PCP4L1: variants seen among roughly 807,000 people sequenced by gnomAD.
The protein encoded by PCP4L1 is Purkinje cell protein 4-like protein 1.
Under a neutral mutation model 9.6 loss-of-function variants are expected in PCP4L1, and 9 were observed. The ratio of observed to expected loss-of-function variants is 0.94; its 90% CI spans 0.57 to 1.64. The LOEUF (loss-of-function observed/expected upper bound fraction) is 1.64. PCP4L1 is among the 40% of genes most tolerant of loss of function. PCP4L1 has a pLI of 0.00. For missense variants in PCP4L1, 81 were observed against 80.8 expected, an observed-to-expected ratio of 1.00 and a Z score of -0.01; for synonymous variants, 31 against 28.2, an observed-to-expected ratio of 1.10 and a Z score of -0.31.
intron 1 of PCP4L1, among the ~76,000 whole-genome samples, chr1:161,268,275 G>A (rs559370337): frequency 2.0e-5 from 3 of 151,938 alleles, no homozygotes; most frequent in African/African-American, 7.2e-5. Flanking sequence ...AAAAAAAAAA[G>A]TATTTATGAA....
Position 161,282,088 on chromosome 1 carries a change from C to T in PCP4L1, c.10-1580C>T, listed in dbSNP as rs113624087. On this transcript the variant is annotated intron_variant, in intron 1 of 2. Coordinates refer to ENST00000504449, the MANE Select transcript of PCP4L1 (RefSeq NM_001102566.2). ...GGAGATCATGCCACTGCACTCCAGC[C>T]GGGGCACCATTGAGCACTGAGTGAA... Among the ~76,000 whole-genome samples, 439 of 152,240 alleles carry T rather than the reference C, an allele frequency of 2.9e-3. 1 individual carries two copies. Among genetic ancestry groups the T allele is most frequent in the African/African-American group, 0.01 (416 of 41,530 alleles).
At chr1:161,280,041 G>C (rs1669767755) in intron 1 of PCP4L1, among the ~76,000 whole-genome samples, 1 of 152,166 alleles carries the variant, frequency 6.6e-6, no homozygotes, top group African/African-American at 2.4e-5. Flanking sequence ...TCAAATTCAT[G>C]ACCTCCTGCC....
chr1:161,259,427 G>A lies in PCP4L1; in HGVS notation c.9+444G>A, dbSNP rs375348034. Among the ~76,000 whole-genome samples the A allele has an allele frequency of 3.9e-4, 59 of 152,268 alleles. No homozygotes were observed. The East Asian group carries it at 7.9e-3, about 20-fold the overall frequency. On this transcript the variant is annotated intron_variant, in intron 1 of 2. Coordinates refer to ENST00000504449, the MANE Select transcript of PCP4L1 (RefSeq NM_001102566.2). ...CAAGAACTCCATCCCTGGCCCCCGG[G>A]GAGGGCCACTGTGCCCCTTTTAGAA...
chr1:161,284,563 G>C lies in PCP4L1; in HGVS notation c.*82G>C. 1 of 1,536,806 alleles carries C rather than the reference G, an allele frequency of 6.5e-7. No homozygotes were observed. Among genetic ancestry groups the C allele is most frequent in the Admixed American group, 2.0e-5 (1 of 49,774 alleles). On this transcript the variant is annotated 3_prime_UTR_variant, in exon 3 of 3. Transcript: ENST00000504449. ...CCACACCCATGTATCTTTATCCCTT[G>C]TCCCTCTAGCCTTTCCTTGAGGCAA... is the stretch of plus-strand genomic sequence containing the variant.
At chr1:161,277,152 T>C (rs1669714130) in intron 1 of PCP4L1, among the ~76,000 whole-genome samples, 1 of 152,086 alleles carries the variant, frequency 6.6e-6, no homozygotes, top group Non-Finnish European at 1.5e-5. Context: ...GATCAATATA[T>C]AAAAATCAGT....
chr1:161,272,791 G>A (rs981002796), intron 1 of PCP4L1, among the ~76,000 whole-genome samples: 1 of 152,014 alleles, frequency 6.6e-6, no homozygotes, highest in Non-Finnish European at 1.5e-5. Flanking sequence ...AAAGGGAACT[G>A]ATTGTCAAGA....
chr1:161,276,457 A>G (rs1023338137), intron 1 of PCP4L1, among the ~76,000 whole-genome samples: 21 of 152,036 alleles, frequency 1.4e-4, no homozygotes, highest in African/African-American at 4.8e-4. Context: ...CTGAGATAGG[A>G]GGATTGCTTG....
At chr1:161,273,896 A>G (rs999304486) in intron 1 of PCP4L1, among the ~76,000 whole-genome samples, 1 of 152,240 alleles carries the variant, frequency 6.6e-6, no homozygotes, top group Non-Finnish European at 1.5e-5. Flanking sequence ...ATACATACTC[A>G]TACATCCCCA....
chr1:161,278,869 G>A (rs1006918396), intron 1 of PCP4L1, among the ~76,000 whole-genome samples: 5 of 151,532 alleles, frequency 3.3e-5, no homozygotes, highest in African/African-American at 7.3e-5. Flanking sequence ...TGCAACCTCC[G>A]CCTTCCAGGC....
intron 1 of PCP4L1, among the ~76,000 whole-genome samples, chr1:161,263,731 G>A (rs1394447458): frequency 2.7e-5 from 4 of 150,650 alleles, no homozygotes; most frequent in Non-Finnish European, 5.9e-5. Context: ...ACAGGTACAC[G>A]TCACCATGCC....
chr1:161,270,912 C>T (rs1669615351), intron 1 of PCP4L1, among the ~76,000 whole-genome samples: 1 of 151,584 alleles, frequency 6.6e-6, no homozygotes, highest in South Asian at 2.1e-4. Flanking sequence ...AGAGATCCCT[C>T]TCCCCTTCTA....
intron 1 of PCP4L1, among the ~76,000 whole-genome samples, chr1:161,264,855 C>G (rs928756248): frequency 6.6e-6 from 1 of 152,064 alleles, no homozygotes; most frequent in African/African-American, 2.4e-5. Context: ...GAAATATAAG[C>G]AGTGTGATCT....
chr1:161,273,629 G>A (rs535617841), intron 1 of PCP4L1, among the ~76,000 whole-genome samples: 1 of 152,190 alleles, frequency 6.6e-6, no homozygotes, highest in Non-Finnish European at 1.5e-5. Context: ...GGCTCTGGGA[G>A]TAAAGAATGT....
intron 1 of PCP4L1, among the ~76,000 whole-genome samples, chr1:161,277,339 G>A (rs1041674012): frequency 1.3e-5 from 2 of 152,134 alleles, no homozygotes; most frequent in Non-Finnish European, 2.9e-5. Flanking sequence ...AGACAGTACA[G>A]CCTGTTGGCT....
intron 1 of PCP4L1, 32 bp downstream of exon 1, chr1:161,259,015 G>C: frequency 6.5e-7 from 1 of 1,527,322 alleles, no homozygotes; most frequent in Non-Finnish European, 8.7e-7. Context: ...GCTGTCGGCA[G>C]GGCTGCGGCG....
chr1:161,273,578 T>G (rs1669654220), intron 1 of PCP4L1, among the ~76,000 whole-genome samples: 1 of 152,166 alleles, frequency 6.6e-6, no homozygotes, highest in African/African-American at 2.4e-5. Context: ...AGTAGAATGA[T>G]CCTACACATG....
intron 1 of PCP4L1, among the ~76,000 whole-genome samples, chr1:161,277,842 C>T (rs1669723958): frequency 6.6e-6 from 1 of 152,228 alleles, no homozygotes. Context: ...GCCTTCTTCA[C>T]TCTCAGCTGA....
At chr1:161,259,507 C>T (rs1219583809) in intron 1 of PCP4L1, among the ~76,000 whole-genome samples, 1 of 152,182 alleles carries the variant, frequency 6.6e-6, no homozygotes, top group South Asian at 2.1e-4. Context: ...GGACGTGTTC[C>T]GGTATTTAGA....
chr1:161,284,670 G>A lies in PCP4L1; in HGVS notation c.*189G>A. Reference sequence around the variant, plus strand: ...GCACAAGAGAGGTGGAGAAGATGAAGACTTCAATCAGCAGTCACTAGTCTA... The same window carrying A: ...GCACAAGAGAGGTGGAGAAGATGAAAACTTCAATCAGCAGTCACTAGTCTA... On this transcript the variant is annotated 3_prime_UTR_variant, in exon 3 of 3. Coordinates refer to ENST00000504449, the MANE Select transcript of PCP4L1 (RefSeq NM_001102566.2). 4 of 733,870 alleles carry A rather than the reference G, an allele frequency of 5.5e-6. No homozygotes were observed. The South Asian group carries it at 7.9e-5, about 14-fold the overall frequency. The allele number at this position is 733,870 out of a possible 1,614,324, so 45.5% of individuals were successfully genotyped here.
Sources: gnomAD v4.1 joint callset for allele counts (sites outside exome capture counted in the v4.1 genomes callset) on GRCh38, gnomAD v4.1.1 for gene constraint, MANE v1.5 for transcripts, NCBI Gene and HGNC (gene_info 2026-07-23, HGNC 2026-07-21) for gene names.